ITPR2: variants seen among roughly 807,000 people sequenced by gnomAD.
ITPR2 encodes the protein inositol 1,4,5-trisphosphate receptor type 2, also known as inositol 1,4,5-trisphosphate-gated calcium channel ITPR2.
A neutral mutation model predicts 317.1 loss-of-function variants in ITPR2; 207 were observed. The observed-to-expected ratio is 0.65, with a 90% CI of 0.58 to 0.73. The LOEUF (loss-of-function observed/expected upper bound fraction) is 0.73. ITPR2 is among the 30% of genes least tolerant of loss of function. ITPR2 has a pLI of 0.00. For missense variants in ITPR2, 2,613 were observed against 3,284.0 expected, an observed-to-expected ratio of 0.80 and a Z score of 4.99; for synonymous variants, 1,156 against 1,149.1, an observed-to-expected ratio of 1.01 and a Z score of -0.12.
rs566905530 is a variant in ITPR2, at chr12:26,806,973, T to C, written c.93-16746A>G. Among the ~76,000 whole-genome samples, 9 of 152,214 alleles carry C rather than the reference T, an allele frequency of 5.9e-5. No individual in the cohort carries two copies. In the East Asian group the frequency reaches 1.5e-3, roughly 26 times the overall value. ...ATCCCTCTTCTCTTTAAGAAATATA[T>C]ATATATGCACTATTAGACCAGCCTG... On this transcript the variant is annotated intron_variant, in intron 1 of 56. Coordinates refer to ENST00000381340, the MANE Select transcript of ITPR2 (RefSeq NM_002223.4).
chr12:26,680,454 ACT>A (rs1247604286), intron 13 of ITPR2, among the ~76,000 whole-genome samples: 3 of 152,118 alleles, frequency 2.0e-5, no homozygotes, highest in Non-Finnish European at 2.9e-5. Context: ...AACAGCTTAC[ACT>A]GTTTTTTAAA....
chr12:26,380,061 T>C (rs151287950), intron 55 of ITPR2, among the ~76,000 whole-genome samples: 2 of 152,220 alleles, frequency 1.3e-5, no homozygotes, highest in Non-Finnish European at 2.9e-5. Context: ...TTATTCTCCA[T>C]GGCAATTCTA....
Position 26,339,248 on chromosome 12 carries a change from T to C in ITPR2, c.*149A>G. On this transcript the variant is annotated 3_prime_UTR_variant, in exon 57 of 57. Coordinates refer to ENST00000381340, the MANE Select transcript of ITPR2 (RefSeq NM_002223.4). ...CCATGAAAACACAGTTATAAATTGTTCTCGGAGCTAACCCACTCAACATCT... is the reference window on the plus strand; with the variant it reads ...CCATGAAAACACAGTTATAAATTGTCCTCGGAGCTAACCCACTCAACATCT... 1.6e-6 allele frequency: 1 copy of C among 642,826 alleles called. No homozygotes were observed. Among genetic ancestry groups the C allele is most frequent in the Non-Finnish European group, 2.8e-6 (1 of 359,588 alleles). 39.8% of individuals were successfully genotyped at this position (642,826 alleles called of 1,614,324 possible).
chr12:26,672,181 A>G (rs903181921), intron 13 of ITPR2, among the ~76,000 whole-genome samples: 3 of 152,054 alleles, frequency 2.0e-5, no homozygotes, highest in African/African-American at 7.3e-5. Context: ...AATTGAACTC[A>G]GCTCTGCACC....
chr12:26,597,433 T>A (rs1434434457), intron 30 of ITPR2, among the ~76,000 whole-genome samples: 1 of 152,136 alleles, frequency 6.6e-6, no homozygotes, highest in Non-Finnish European at 1.5e-5. Flanking sequence ...TGTAAAAAAA[T>A]AAAGTTATTT....
In ITPR2 at chr12:26,832,850, C is replaced by G. The variant is rs1951140418; in HGVS notation, c.-69G>C. 2 of 1,247,892 alleles carry G rather than the reference C, an allele frequency of 1.6e-6. No homozygotes were observed. The highest frequency in any genetic ancestry group is 3.1e-5 in the African/African-American group (2 of 64,810). The allele number at this position is 1,247,892 out of a possible 1,614,324, so 77.3% of individuals were successfully genotyped here. ...CCCTCGCCGCCCTCTCTCCAGGGAG[C>G]CGCCGCGGCAGAAGCGGATCGGATC... On this transcript the variant is annotated 5_prime_UTR_variant, in exon 1 of 57. Coordinates refer to ENST00000381340, the MANE Select transcript of ITPR2 (RefSeq NM_002223.4).
chr12:26,458,579 T>A (rs1341514783), intron 45 of ITPR2, among the ~76,000 whole-genome samples: 1 of 152,110 alleles, frequency 6.6e-6, no homozygotes, highest in Admixed American at 6.5e-5. Flanking sequence ...GAGGGCGTCA[T>A]CAACGATAAA....
At chr12:26,772,474 A>AT (rs1323958258) in intron 2 of ITPR2, among the ~76,000 whole-genome samples, 8 of 81,902 alleles carry the variant, frequency 9.8e-5, no homozygotes, top group Non-Finnish European at 2.3e-4. Context: ...CATGTATTAT[A>AT]TATAATATAT....
chr12:26,395,353 T>C (rs1939962241), intron 54 of ITPR2, among the ~76,000 whole-genome samples: 3 of 152,292 alleles, frequency 2.0e-5, no homozygotes, highest in South Asian at 2.1e-4. Context: ...TAAAGGAATT[T>C]ATAGGTGACT....
intron 29 of ITPR2, among the ~76,000 whole-genome samples, chr12:26,599,580 T>A (rs1432550011): frequency 6.6e-6 from 1 of 152,166 alleles, no homozygotes; most frequent in Non-Finnish European, 1.5e-5. Flanking sequence ...TGCAACATAT[T>A]GGCAACAGTA....
intron 34 of ITPR2, among the ~76,000 whole-genome samples, chr12:26,570,369 A>G (rs1436472805): frequency 2.0e-5 from 3 of 152,164 alleles, no homozygotes; most frequent in Non-Finnish European, 4.4e-5. Context: ...ACTTACTCAG[A>G]TTTAATTTTT....
intron 37 of ITPR2, among the ~76,000 whole-genome samples, chr12:26,496,109 AAG>A (rs1343620185): frequency 6.6e-6 from 1 of 152,220 alleles, no homozygotes; most frequent in East Asian, 1.9e-4. Context: ...TTTTAATAAA[AAG>A]AGTGATTTAA....
intron 55 of ITPR2, among the ~76,000 whole-genome samples, chr12:26,380,631 T>C (rs1939481145): frequency 6.6e-6 from 1 of 152,196 alleles, no homozygotes; most frequent in South Asian, 2.1e-4. Context: ...AATTACAAAA[T>C]TAGTGTAAAC....
intron 26 of ITPR2, among the ~76,000 whole-genome samples, chr12:26,620,669 A>G (rs1427615884): frequency 6.6e-6 from 1 of 152,230 alleles, no homozygotes; most frequent in Non-Finnish European, 1.5e-5. Flanking sequence ...TCATACTGGC[A>G]ATAAAGCATA....
chr12:26,397,713 A>G (rs1033816103), intron 54 of ITPR2, among the ~76,000 whole-genome samples: 5 of 152,108 alleles, frequency 3.3e-5, no homozygotes, highest in African/African-American at 4.8e-5. Flanking sequence ...AACACTCAAC[A>G]AAAGTTGAAG....
chr12:26,548,832 G>A (rs1591886088), intron 37 of ITPR2, among the ~76,000 whole-genome samples: 2 of 152,310 alleles, frequency 1.3e-5, no homozygotes, highest in East Asian at 1.9e-4. Context: ...ATGGAAAGGA[G>A]AAAACAAGTG....
At chr12:26,379,847 C>G (rs1289050334) in intron 55 of ITPR2, among the ~76,000 whole-genome samples, 2 of 152,164 alleles carry the variant, frequency 1.3e-5, no homozygotes, top group Non-Finnish European at 2.9e-5. Context: ...CCTAAGAAAT[C>G]AAACTTCAGA....
chr12:26,520,951 T>C (rs1242386509), intron 37 of ITPR2, among the ~76,000 whole-genome samples: 2 of 152,216 alleles, frequency 1.3e-5, no homozygotes, highest in Non-Finnish European at 2.9e-5. Context: ...GAATATAACA[T>C]GCTCCTTTTT....
At chr12:26,694,005 G>C (rs952638187) in intron 10 of ITPR2, among the ~76,000 whole-genome samples, 1 of 152,176 alleles carries the variant, frequency 6.6e-6, no homozygotes, top group Non-Finnish European at 1.5e-5. Context: ...CAAGTTAATG[G>C]TGGTGCTAGA....
Sources: allele counts gnomAD v4.1 joint callset (sites outside exome capture counted in the v4.1 genomes callset), GRCh38; gene constraint gnomAD v4.1.1; transcripts MANE v1.5; gene names NCBI Gene and HGNC (gene_info 2026-07-23, HGNC 2026-07-21).